GPC5: variants seen among roughly 807,000 people sequenced by gnomAD.
GPC5 encodes the protein glypican 5.
A neutral mutation model predicts 53.9 loss-of-function variants in GPC5; 47 were observed. The observed-to-expected ratio is 0.87, with a 90% CI of 0.69 to 1.11. The LOEUF is 1.11. GPC5 is among the 50% of genes most tolerant of loss of function. The probability of loss-of-function intolerance (pLI) is 0.00; values close to 1 mark genes in which losing one functional copy is unlikely to be tolerated. For synonymous variants in GPC5, 286 were observed against 263.3 expected (o/e 1.09, Z -0.84); for missense variants, 748 against 713.1 (o/e 1.05, Z -0.56).
At chr13:91,860,907 G>A (rs2039020760) in intron 5 of GPC5, among the ~76,000 whole-genome samples, 2 of 152,138 alleles carry the variant, frequency 1.3e-5, no homozygotes, top group Non-Finnish European at 2.9e-5. Context: ...AGGTGCAGAT[G>A]TTTATTCAAT....
intron 6 of GPC5, among the ~76,000 whole-genome samples, chr13:92,110,835 A>G (rs949918872): frequency 1.3e-5 from 2 of 152,184 alleles, no homozygotes; most frequent in Non-Finnish European, 2.9e-5. Flanking sequence ...TTTTGCTGTC[A>G]TATGTCCATT....
intron 7 of GPC5, among the ~76,000 whole-genome samples, chr13:92,603,342 G>T (rs747420097): frequency 2.6e-5 from 4 of 151,972 alleles, no homozygotes; most frequent in Non-Finnish European, 5.9e-5. Context: ...GTCTTCCCAG[G>T]AGCAACCTAG....
chr13:92,340,123 A>G (rs1365467352), intron 7 of GPC5: 1 of 152,112 alleles, frequency 6.6e-6, no homozygotes, highest in Non-Finnish European at 1.5e-5. Context: ...TTGAGTAGAG[A>G]TGGAATTCTG....
chr13:92,341,188 A>T (rs1046681893), intron 7 of GPC5, among the ~76,000 whole-genome samples: 1 of 152,152 alleles, frequency 6.6e-6, no homozygotes, highest in Non-Finnish European at 1.5e-5. Context: ...AATTACAGGC[A>T]TCATTAAATT....
At chr13:91,937,108 C>T (rs1230684152) in intron 6 of GPC5, among the ~76,000 whole-genome samples, 1 of 151,976 alleles carries the variant, frequency 6.6e-6, no homozygotes, top group Admixed American at 6.6e-5. Flanking sequence ...CTTATCTTCC[C>T]TAATTTAAAT....
At chr13:91,726,824 T>G (rs1240978243) in intron 3 of GPC5, among the ~76,000 whole-genome samples, 1 of 152,228 alleles carries the variant, frequency 6.6e-6, no homozygotes, top group Non-Finnish European at 1.5e-5. Context: ...TCTGCACAGC[T>G]GCTGTGATGA....
chr13:91,434,378 A>G (rs978795851), intron 1 of GPC5, among the ~76,000 whole-genome samples: 6 of 152,024 alleles, frequency 3.9e-5, no homozygotes, highest in East Asian at 1.9e-4. Context: ...TAATTTTTGT[A>G]TAAGGTGTAA....
At position 91,650,750 on chromosome 13, in the gene GPC5, G is replaced by GTTTTTGTTTTTTTTTTT. The variant is rs1491353283; in HGVS notation, c.326-42432_326-42431insGTTTTTTTTTTTTTTTT. Among the ~76,000 whole-genome samples, 367 of 99,570 alleles carry GTTTTTGTTTTTTTTTTT rather than the reference G, an allele frequency of 3.7e-3. 21 individuals carry two copies. The highest frequency in any genetic ancestry group is 0.014 in the African/African-American group (342 of 24,640). 65.3% of individuals were successfully genotyped at this position (99,570 alleles called of 152,430 possible). ...CATCTGTGAAACAAAATTCCCATAAGTTTTTTTTTTTTTTTTTTTTTTAGC... is the reference window on the plus strand; with the variant it reads ...CATCTGTGAAACAAAATTCCCATAAGTTTTTGTTTTTTTTTTTTTTTTTTTTTTTTTTTTTTTTTAGC... On this transcript the variant is annotated intron_variant, in intron 2 of 7. Coordinates refer to ENST00000377067, the MANE Select transcript of GPC5 (RefSeq NM_004466.6).
chr13:92,072,583 T>TAA (rs2041221902), intron 6 of GPC5, among the ~76,000 whole-genome samples: 1 of 148,590 alleles, frequency 6.7e-6, no homozygotes, highest in Non-Finnish European at 1.5e-5. Flanking sequence ...TTTTTTTTTT[T>TAA]TTTTTTTTTA....
chr13:91,690,890 T>C (rs1206835508), intron 2 of GPC5, among the ~76,000 whole-genome samples: 1 of 152,220 alleles, frequency 6.6e-6, no homozygotes, highest in Non-Finnish European at 1.5e-5. Context: ...TGATATAGGG[T>C]ATCTTTGAAT....
At chr13:92,654,741 C>T (rs9523753) in intron 7 of GPC5, among the ~76,000 whole-genome samples, 8,072 of 122,348 alleles carry the variant, frequency 0.066, 302 homozygotes, top group Middle Eastern at 0.14. Context: ...ACTCTTTTTA[C>T]CTTGTATTCA....
intron 7 of GPC5, among the ~76,000 whole-genome samples, chr13:92,326,780 TTC>T (rs2043254337): frequency 6.6e-6 from 1 of 152,302 alleles, no homozygotes; most frequent in Non-Finnish European, 1.5e-5. Flanking sequence ...TCTTTAAATC[TTC>T]TCTGTGATTC....
intron 6 of GPC5, among the ~76,000 whole-genome samples, chr13:92,054,513 C>G (rs1198251257): frequency 6.6e-6 from 1 of 152,058 alleles, no homozygotes; most frequent in Non-Finnish European, 1.5e-5. Flanking sequence ...TGCAGGCATT[C>G]TTAAATGCAA....
intron 7 of GPC5, among the ~76,000 whole-genome samples, chr13:92,715,879 G>C (rs755132842): frequency 2.6e-5 from 4 of 152,092 alleles, no homozygotes; most frequent in African/African-American, 9.7e-5. Context: ...ATCTAAACTT[G>C]TGTGTGTGTG....
chr13:92,217,085 C>G (rs1402241834), intron 7 of GPC5, among the ~76,000 whole-genome samples: 1 of 151,852 alleles, frequency 6.6e-6, no homozygotes, highest in Non-Finnish European at 1.5e-5. Context: ...TTCACTATTG[C>G]ACTTACCACC....
intron 7 of GPC5, among the ~76,000 whole-genome samples, chr13:92,730,181 C>T (rs990884211): frequency 2.0e-4 from 30 of 151,376 alleles, no homozygotes; most frequent in Non-Finnish European, 4.3e-4. Flanking sequence ...ATACTTATTA[C>T]ACTTGTATTT....
At chr13:92,459,424 C>G (rs532256670) in intron 7 of GPC5, among the ~76,000 whole-genome samples, 1 of 152,290 alleles carries the variant, frequency 6.6e-6, no homozygotes, top group Admixed American at 6.5e-5. Flanking sequence ...TGTAGTCCAT[C>G]TGTTCATCAA....
intron 7 of GPC5, among the ~76,000 whole-genome samples, chr13:92,215,459 A>G (rs576586943): frequency 1.4e-3 from 213 of 152,318 alleles, no homozygotes; most frequent in Non-Finnish European, 2.0e-3. Context: ...GTAGAAAGTA[A>G]AATAATTCAT....
At chr13:92,547,915 C>T (rs1450901912) in intron 7 of GPC5, among the ~76,000 whole-genome samples, 3 of 148,030 alleles carry the variant, frequency 2.0e-5, no homozygotes, top group Admixed American at 6.8e-5. Context: ...CTGCAAGCTC[C>T]GCCTCCCGGG....
Sources: allele counts gnomAD v4.1 joint callset (sites outside exome capture counted in the v4.1 genomes callset), GRCh38; gene constraint gnomAD v4.1.1; transcripts MANE v1.5; gene names NCBI Gene and HGNC (gene_info 2026-07-23, HGNC 2026-07-21).